Variants in THADA observed in about 807,000 individuals in gnomAD.
The protein encoded by THADA is tRNA (32-2'-O)-methyltransferase regulator THADA.
THADA carries 213 observed loss-of-function variants against 219.8 expected under a neutral mutation model. The observed-to-expected ratio is 0.97, with a 90% CI of 0.87 to 1.09. The LOEUF (loss-of-function observed/expected upper bound fraction) is 1.09, where lower values mean the gene tolerates loss of function less well. THADA is among the 50% of genes least tolerant of loss of function. THADA has a pLI of 0.00. For missense variants in THADA, 2,956 were observed against 2,311.3 expected (o/e 1.28, Z -5.72); for synonymous variants, 1,018 against 828.9 (o/e 1.23, Z -3.92).
Position 43,586,344 on chromosome 2 carries a change from C to T in THADA, c.533+57G>A, listed in dbSNP as rs930670999. 3.6e-6 allele frequency: 5 copies of T among 1,378,130 alleles called. No individual in the cohort carries two copies. In the East Asian group the frequency reaches 1.0e-4, roughly 28 times the overall value. The allele number at this position is 1,378,130 out of a possible 1,614,324, so 85.4% of individuals were successfully genotyped here. ...TGAGACTTTTAAATTTTTCTTTGTACAAAGATAATGTACAACTGCAAGTGT... is the reference window on the plus strand; with the variant it reads ...TGAGACTTTTAAATTTTTCTTTGTATAAAGATAATGTACAACTGCAAGTGT... On this transcript the variant is annotated intron_variant, in intron 7 of 37. Transcript: ENST00000405975.
chr2:43,422,285 G>A (rs985546948), intron 28 of THADA, among the ~76,000 whole-genome samples: 1 of 152,066 alleles, frequency 6.6e-6, no homozygotes, highest in African/African-American at 2.4e-5. Context: ...CTACCATATG[G>A]CAGTCTCTCA....
chr2:43,267,606 G>A (rs1003472815), intron 36 of THADA, among the ~76,000 whole-genome samples: 1 of 152,194 alleles, frequency 6.6e-6, no homozygotes, highest in African/African-American at 2.4e-5. Context: ...TGGAAGTGGT[G>A]CATGTGACTT....
intron 35 of THADA, among the ~76,000 whole-genome samples, chr2:43,283,742 A>G (rs1166237742): frequency 6.6e-6 from 1 of 152,250 alleles, no homozygotes; most frequent in African/African-American, 2.4e-5. Flanking sequence ...ATACACTCAT[A>G]TGCATGAACA....
At chr2:43,354,018 C>T (rs988586845) in intron 29 of THADA, among the ~76,000 whole-genome samples, 18 of 151,980 alleles carry the variant, frequency 1.2e-4, no homozygotes, top group East Asian at 1.9e-4. Context: ...GGGGTTTCAC[C>T]GTGTTAGCCA....
intron 4 of THADA, among the ~76,000 whole-genome samples, chr2:43,587,599 C>T (rs1701155770): frequency 6.6e-6 from 1 of 152,146 alleles, no homozygotes; most frequent in Non-Finnish European, 1.5e-5. Context: ...TCTCAATTAC[C>T]TTATCATGTC....
intron 29 of THADA, among the ~76,000 whole-genome samples, chr2:43,378,590 T>G (rs574740318): frequency 6.6e-6 from 1 of 152,174 alleles, no homozygotes; most frequent in Non-Finnish European, 1.5e-5. Context: ...ACAGATGTCA[T>G]AGACAATATA....
At chr2:43,582,629 G>A (rs1160501332) in intron 7 of THADA, among the ~76,000 whole-genome samples, 1 of 143,434 alleles carries the variant, frequency 7.0e-6, no homozygotes, top group Non-Finnish European at 1.5e-5. Context: ...GAGTGCAGTG[G>A]TGCAATCTGG....
intron 36 of THADA, among the ~76,000 whole-genome samples, chr2:43,241,330 C>T (rs571395423): frequency 1.7e-4 from 26 of 151,982 alleles, no homozygotes; most frequent in Non-Finnish European, 5.9e-5. Context: ...CTCAAGTGAT[C>T]CACACACCTA....
intron 28 of THADA, among the ~76,000 whole-genome samples, chr2:43,403,537 G>C (rs1172360375): frequency 6.6e-6 from 1 of 152,066 alleles, no homozygotes; most frequent in Non-Finnish European, 1.5e-5. Flanking sequence ...GGAACCAGAG[G>C]CTTCAAAGTC....
At chr2:43,368,437 C>T (rs1442394113) in intron 29 of THADA, among the ~76,000 whole-genome samples, 3 of 152,114 alleles carry the variant, frequency 2.0e-5, no homozygotes, top group African/African-American at 7.2e-5. Context: ...TGCTCTGTCG[C>T]CCGGGCTGGA....
rs1236847865 is a variant in THADA at position 43,466,986 on chromosome 2, T to G, written c.3836+18248A>C. Reference sequence around the variant, plus strand: ...TCACGAGGTCAGGAGATCGAGACCATCCTGGCTAACACGGTGAAACCCCGT... The same window carrying G: ...TCACGAGGTCAGGAGATCGAGACCAGCCTGGCTAACACGGTGAAACCCCGT... On this transcript the variant is annotated intron_variant, in intron 26 of 37. Transcript: ENST00000405975. Among the ~76,000 whole-genome samples, 41 of 151,320 alleles carry G rather than the reference T, an allele frequency of 2.7e-4. 1 individual carries two copies. The highest frequency in any genetic ancestry group is 9.0e-4 in the African/African-American group (37 of 41,240).
At chr2:43,581,297 C>T (rs774680904) in intron 8 of THADA, among the ~76,000 whole-genome samples, 3 of 152,030 alleles carry the variant, frequency 2.0e-5, no homozygotes, top group South Asian at 2.1e-4. Flanking sequence ...TGGGAGGCCA[C>T]GGTAAGCAGG....
Position 43,320,437 on chromosome 2 carries a change from G to A in THADA, c.4438+9C>T. The A allele has an allele frequency of 6.2e-7, 1 of 1,604,100 alleles. No homozygotes were observed. Among genetic ancestry groups the A allele is most frequent in the Non-Finnish European group, 8.5e-7 (1 of 1,173,284 alleles). Reference sequence around the variant, plus strand: ...CGATTCCAAAATACAGTATAACTATGAATCATACCTGGCTGGTTGTCCTTT... The same window carrying A: ...CGATTCCAAAATACAGTATAACTATAAATCATACCTGGCTGGTTGTCCTTT... On this transcript the variant is annotated intron_variant, in intron 31 of 37. Transcript: ENST00000405975.
intron 22 of THADA, among the ~76,000 whole-genome samples, chr2:43,520,887 T>C (rs1054424026): frequency 1.5e-4 from 19 of 127,654 alleles, no homozygotes; most frequent in Non-Finnish European, 1.6e-5. Context: ...GTATGAAGAG[T>C]AGAAATTCTT....
intron 23 of THADA, among the ~76,000 whole-genome samples, chr2:43,508,141 G>C (rs1689937619): frequency 6.6e-6 from 1 of 152,104 alleles, no homozygotes; most frequent in Non-Finnish European, 1.5e-5. Flanking sequence ...ATAGGGTACA[G>C]GGAAGGAGTT....
intron 20 of THADA, among the ~76,000 whole-genome samples, chr2:43,543,658 C>T (rs1333410693): frequency 6.6e-6 from 1 of 152,190 alleles, no homozygotes; most frequent in African/African-American, 2.4e-5. Context: ...TGTTTTCTGG[C>T]TGCATAAATG....
Position 43,289,828 on chromosome 2 carries a change from T to G in THADA, c.5010+1868A>C, listed in dbSNP as rs890606517. Among the ~76,000 whole-genome samples, 4 of 152,106 alleles carry G rather than the reference T, an allele frequency of 2.6e-5. No homozygotes were observed. In the South Asian group the frequency reaches 8.3e-4, roughly 32 times the overall value. ...CACCACATCTGGCTAATTTTTATAATTTTTAGTAGAGCTGGGGTTTTGCCA... is the reference window on the plus strand; with the variant it reads ...CACCACATCTGGCTAATTTTTATAAGTTTTAGTAGAGCTGGGGTTTTGCCA... On this transcript the variant is annotated intron_variant, in intron 34 of 37. Transcript: ENST00000405975.
intron 28 of THADA, among the ~76,000 whole-genome samples, chr2:43,404,317 T>G (rs933698891): frequency 4.6e-5 from 7 of 151,940 alleles, no homozygotes; most frequent in Non-Finnish European, 8.8e-5. Context: ...CTCAGCCTCC[T>G]GAATAGCTGG....
At chr2:43,522,548 T>A (rs1411514021) in intron 22 of THADA, among the ~76,000 whole-genome samples, 1 of 152,170 alleles carries the variant, frequency 6.6e-6, no homozygotes, top group Non-Finnish European at 1.5e-5. Flanking sequence ...AAAATTAATA[T>A]TAAAAAAATT....
Sources: allele counts gnomAD v4.1 joint callset (sites outside exome capture counted in the v4.1 genomes callset), GRCh38; gene constraint gnomAD v4.1.1; transcripts MANE v1.5; gene names NCBI Gene and HGNC (gene_info 2026-07-23, HGNC 2026-07-21).